Variants in RNF19B observed in about 807,000 individuals in gnomAD.
RNF19B encodes ring finger protein 19B.
A neutral mutation model predicts 65.5 loss-of-function variants in RNF19B; 23 were observed. The ratio of observed to expected loss-of-function variants is 0.35; its 90% CI spans 0.25 to 0.50. RNF19B has a LOEUF of 0.50. RNF19B is among the 20% of genes least tolerant of loss of function. The pLI, the probability that RNF19B is intolerant of heterozygous loss-of-function variation, is 0.98. For missense variants in RNF19B, 794 were observed against 980.0 expected (o/e 0.81, Z 2.53); for synonymous variants, 372 against 379.6 (o/e 0.98, Z 0.23).
rs780299146 is a variant in RNF19B at position 32,942,472 on chromosome 1, C to A, written c.1403-13G>T. On this transcript the variant is annotated splice_polypyrimidine_tract_variant and intron_variant, in intron 6 of 8. Coordinates refer to ENST00000235150, the MANE Select transcript of RNF19B (RefSeq NM_001300826.2). ...CAGGCATCTGCCACTGGGGATAGAACCAAACATCCAATTCAAGACAGCAGA... is the reference window on the plus strand; with the variant it reads ...CAGGCATCTGCCACTGGGGATAGAAACAAACATCCAATTCAAGACAGCAGA... 1.2e-6 allele frequency: 2 copies of A among 1,607,842 alleles called. No individual in the cohort carries two copies. The highest frequency in any genetic ancestry group is 2.7e-5 in the African/African-American group (2 of 74,932).
At chr1:32,939,866 A>G (rs1461560040) in intron 7 of RNF19B, among the ~76,000 whole-genome samples, 1 of 152,228 alleles carries the variant, frequency 6.6e-6, no homozygotes, top group Non-Finnish European at 1.5e-5. Flanking sequence ...TCAGTCTCCA[A>G]TTATGTCTGT....
chr1:32,952,004 G>A (rs1373202333), intron 1 of RNF19B, among the ~76,000 whole-genome samples: 1 of 146,678 alleles, frequency 6.8e-6, no homozygotes, highest in Non-Finnish European at 1.5e-5. Flanking sequence ...TCACCATGTT[G>A]GCAAGACTGG....
At chr1:32,959,697 A>G (rs1234504783) in intron 1 of RNF19B, among the ~76,000 whole-genome samples, 2 of 152,152 alleles carry the variant, frequency 1.3e-5, no homozygotes, top group Non-Finnish European at 2.9e-5. Context: ...CTCATTTGAC[A>G]GCTTGTTTTA....
At position 32,946,324 on chromosome 1, in the gene RNF19B, C is replaced by T. The variant is rs1642366717; in HGVS notation, c.1146+78G>A. 11 of 1,276,950 alleles carry T rather than the reference C, an allele frequency of 8.6e-6. No individual in the cohort carries two copies. The East Asian group carries it at 2.6e-4, about 30-fold the overall frequency. 79.1% of individuals were successfully genotyped at this position (1,276,950 alleles called of 1,614,324 possible). A position where few individuals can be genotyped will look rare whatever the true frequency, so the allele number is the denominator to read the frequency against. ...GTTTTCAGGCAGCTCTGAAACATAG[C>T]TCCTTCCCATTTCCCTCAAACCTTT... On this transcript the variant is annotated intron_variant, in intron 4 of 8. Transcript: ENST00000235150.
In RNF19B at chr1:32,950,774, C is replaced by G. The variant is rs114919798; in HGVS notation, c.636-1000G>C. Reference sequence around the variant, plus strand: ...CTGGTCGCAAACTTCCGGGCTCAATCAATCAGCCTGCCTCAGCCTCCCAAA... The same window carrying G: ...CTGGTCGCAAACTTCCGGGCTCAATGAATCAGCCTGCCTCAGCCTCCCAAA... On this transcript the variant is annotated intron_variant, in intron 1 of 8. Coordinates refer to ENST00000235150, the MANE Select transcript of RNF19B (RefSeq NM_001300826.2). Among the ~76,000 whole-genome samples, 457 of 151,810 alleles carry G rather than the reference C, an allele frequency of 3.0e-3. 2 individuals are homozygous for G. The highest frequency in any genetic ancestry group is 0.011 in the African/African-American group (441 of 41,402).
Position 32,942,389 on chromosome 1 carries a change from T to C in RNF19B, c.1473A>G (p.Val491=). The change falls in exon 7 of 9, where the codon GTA becomes GTG. Residue 491 remains valine, a synonymous_variant. Coordinates refer to ENST00000235150, the MANE Select transcript of RNF19B (RefSeq NM_001300826.2). The part of the protein sequence containing the change: ...GESSIEGLTS[V]LSTSGSPTDG... ...CTGTAGGGCTTCCACTAGTGCTCAA[T>C]ACACTAGTCAGGCCTTCAATGCTGC... 6.2e-7 allele frequency: 1 copy of C among 1,614,066 alleles called. No homozygotes were observed. The highest frequency in any genetic ancestry group is 1.3e-5 in the African/African-American group (1 of 75,062).
In RNF19B at chr1:32,958,381, G is replaced by A. The variant is rs558088711; in HGVS notation, c.635+5670C>T. Among the ~76,000 whole-genome samples the A allele has an allele frequency of 2.0e-5, 3 of 152,274 alleles. No individual in the cohort carries two copies. The South Asian group carries it at 6.2e-4, about 32-fold the overall frequency. On this transcript the variant is annotated intron_variant, in intron 1 of 8. Coordinates refer to ENST00000235150, the MANE Select transcript of RNF19B (RefSeq NM_001300826.2). The stretch of plus-strand genomic sequence containing the variant: ...AAGTAATGCCTATAACATACCTTAG[G>A]AAATAGTGATGTGAGTGAAAAATAG...
At chr1:32,943,051 G>GA (rs1188685338) in intron 6 of RNF19B, among the ~76,000 whole-genome samples, 1 of 151,302 alleles carries the variant, frequency 6.6e-6, no homozygotes, top group Non-Finnish European at 1.5e-5. Flanking sequence ...TGAGGCAGGA[G>GA]AATGACGCGA....
At chr1:32,945,735 C>T (rs1642351591) in intron 4 of RNF19B, 107 bp from the exon 5 acceptor site, 1 of 612,580 alleles carries the variant, frequency 1.6e-6, no homozygotes, top group South Asian at 2.1e-5. Context: ...TATATTAAAA[C>T]ATATCCTCTA....
intron 6 of RNF19B, among the ~76,000 whole-genome samples, chr1:32,942,990 AT>A (rs1387571006): frequency 1.3e-5 from 2 of 151,512 alleles, no homozygotes; most frequent in Non-Finnish European, 2.9e-5. Flanking sequence ...AATACAAAAA[AT>A]TTAGCCGGGC....
At position 32,964,746 on chromosome 1, in the gene RNF19B, C is replaced by T. The variant is rs564588850; in HGVS notation, c.-61G>A. On this transcript the variant is annotated 5_prime_UTR_variant, in exon 1 of 9. Coordinates refer to ENST00000235150, the MANE Select transcript of RNF19B (RefSeq NM_001300826.2). This position sits in a 1 kb window ranked among gnomAD's most constrained non-coding sequence, Gnocchi z 6.5. ...GCCGCCACAGCTCCCGCCTCAGCGC[C>T]CCTCAGCCAGCGCCCGGCCGCCGCC... 223 of 1,312,630 alleles carry T rather than the reference C, an allele frequency of 1.7e-4. No individual in the cohort carries two copies. In the African/African-American group the frequency reaches 3.1e-3, roughly 18 times the overall value. The allele number at this position is 1,312,630 out of a possible 1,614,324, so 81.3% of individuals were successfully genotyped here.
chr1:32,944,209 C>A, intron 5 of RNF19B, 50 bp from the exon 6 acceptor site: 2 of 1,558,472 alleles, frequency 1.3e-6, no homozygotes, highest in South Asian at 1.2e-5. Context: ...TTGCAAGTGC[C>A]CTGAATTCTT....
chr1:32,952,958 C>T (rs1178269750), intron 1 of RNF19B, among the ~76,000 whole-genome samples: 1 of 144,920 alleles, frequency 6.9e-6, no homozygotes, highest in African/African-American at 2.6e-5. Flanking sequence ...AAGTTAATCA[C>T]ACAATTTTTT....
intron 1 of RNF19B, among the ~76,000 whole-genome samples, chr1:32,955,829 G>A (rs1406862282): frequency 2.0e-5 from 3 of 151,520 alleles, no homozygotes; most frequent in Non-Finnish European, 2.9e-5. Flanking sequence ...TCTCTTCCAC[G>A]TCCCATGCTG....
At chr1:32,938,343 C>T in intron 8 of RNF19B, 54 bp downstream of exon 8, 1 of 1,607,678 alleles carries the variant, frequency 6.2e-7, no homozygotes, top group Non-Finnish European at 8.5e-7. Flanking sequence ...TTCTGAAGAC[C>T]TAGTACCCAA....
At chr1:32,942,496 G>T in intron 6 of RNF19B, 37 bp from the exon 7 acceptor site, 1 of 1,573,156 alleles carries the variant, frequency 6.4e-7, no homozygotes, top group South Asian at 1.1e-5. Context: ...CAAGACAGCA[G>T]AGCATCAAAA....
chr1:32,929,296 A>G, the RNF19B span, among the ~76,000 whole-genome samples: 2 of 152,188 alleles, frequency 1.3e-5, no homozygotes, highest in African/African-American at 4.8e-5. Context: ...ACAACAATCG[A>G]ATTAGGGGGC....
At chr1:32,949,329 A>C (rs571122125) in intron 2 of RNF19B, among the ~76,000 whole-genome samples, 84 of 152,342 alleles carry the variant, frequency 5.5e-4, no homozygotes, top group African/African-American at 1.9e-3. Flanking sequence ...TATTACTAAG[A>C]AAGTAGGAAC....
intron 8 of RNF19B, 112 bp from the exon 9 acceptor site, chr1:32,937,371 TA>T (rs1642132085): frequency 6.7e-7 from 1 of 1,487,528 alleles, no homozygotes; most frequent in Middle Eastern, 1.7e-4. Flanking sequence ...GGTGAACAGT[TA>T]ACTAGAGCTC....
Sources: allele counts gnomAD v4.1 joint callset (sites outside exome capture counted in the v4.1 genomes callset), GRCh38; gene constraint gnomAD v4.1.1; non-coding constraint Gnocchi (gnomAD v3.1); transcripts MANE v1.5; gene names NCBI Gene and HGNC (gene_info 2026-07-23, HGNC 2026-07-21).